Variants in RABGAP1 observed in about 807,000 individuals in gnomAD.
The protein encoded by RABGAP1 is rab GTPase-activating protein 1.
Under a neutral mutation model 137.6 loss-of-function variants are expected in RABGAP1, and 23 were observed. The ratio of observed to expected loss-of-function variants is 0.17; its 90% CI spans 0.12 to 0.24. The LOEUF (loss-of-function observed/expected upper bound fraction) is 0.24, where lower values mean the gene tolerates loss of function less well. RABGAP1 is among the 10% of genes least tolerant of loss of function. The pLI, the probability that RABGAP1 is intolerant of heterozygous loss-of-function variation, is 1.00. For missense variants in RABGAP1, 906 were observed against 1,275.8 expected (o/e 0.71, Z 4.42); for synonymous variants, 451 against 450.7 (o/e 1.00, Z -0.01).
chr9:123,020,452 T>C lies in RABGAP1; in HGVS notation c.1787T>C (p.Ile596Thr), dbSNP rs1374429132. 1 of 1,594,006 alleles carries C rather than the reference T, an allele frequency of 6.3e-7. No homozygotes were observed. The highest frequency in any genetic ancestry group is 8.6e-7 in the Non-Finnish European group (1 of 1,169,452). The change falls in exon 13 of 26, where the codon ATC becomes ACC. Residue 596 changes from isoleucine (I) to threonine (T), a missense_variant. Transcript: ENST00000373647. ...DHLVEKYRILITKESPQDSAI... is the reference protein window; with the variant it reads ...DHLVEKYRILTTKESPQDSAI... ...CTGGTAGAGAAATACCGCATTCTTA[T>C]CACAAAGGTAAGGGGGTGATAATTC...
chr9:122,982,549 T>G (rs1229534306), intron 2 of RABGAP1, among the ~76,000 whole-genome samples: 1 of 152,204 alleles, frequency 6.6e-6, no homozygotes, highest in Non-Finnish European at 1.5e-5. Flanking sequence ...GAATCTAATA[T>G]CTTCTCTCAT....
intron 13 of RABGAP1, among the ~76,000 whole-genome samples, chr9:123,020,689 T>C (rs1236359036): frequency 6.6e-6 from 1 of 152,202 alleles, no homozygotes. Flanking sequence ...GCCCATTGTA[T>C]ATCCAGATTC....
intron 14 of RABGAP1, among the ~76,000 whole-genome samples, chr9:123,068,599 G>A (rs2034257128): frequency 1.3e-5 from 2 of 152,200 alleles, no homozygotes; most frequent in East Asian, 1.9e-4. Context: ...GTGGTGCCTC[G>A]TATTATAAAC....
intron 19 of RABGAP1, among the ~76,000 whole-genome samples, chr9:123,079,971 T>C (rs1467828832): frequency 6.6e-6 from 1 of 152,152 alleles, no homozygotes; most frequent in Admixed American, 6.5e-5. Context: ...TAAATATCGA[T>C]TGAATAAGTG....
Position 122,957,070 on chromosome 9 carries a change from A to G in RABGAP1, c.11A>G (p.Lys4Arg). 6.6e-7 allele frequency: 1 copy of G among 1,517,288 alleles called. No homozygotes were observed. 94.0% of individuals were successfully genotyped at this position (1,517,288 alleles called of 1,614,324 possible). Residue 4 changes from lysine (K) to arginine (R), a missense_variant, in exon 2 of 26, where the codon AAG becomes AGG. This residue lies in a region of RABGAP1 where 331 missense variants were observed against 358.3 expected (regional missense o/e 0.92). Coordinates refer to ENST00000373647, the MANE Select transcript of RABGAP1 (RefSeq NM_012197.4). ...ACTCATTCTTGAGTTATGGATGACAAGGCTTCTGTTGGAAAAATCAGTGTC... is the reference window on the plus strand; with the variant it reads ...ACTCATTCTTGAGTTATGGATGACAGGGCTTCTGTTGGAAAAATCAGTGTC... MDDKASVGKISVSS... is the reference protein window; with the variant it reads MDDRASVGKISVSS...
Position 122,986,395 on chromosome 9 carries a change from C to G in RABGAP1, c.566C>G (p.Pro189Arg). ...QISLDVTLSV[P>R]NVSEGIVRLL... ...TCACTAGATGTTACCCTTTCAGTGC[C>G]GAATGTGTCTGAAGGAATTGTGAGG... The change falls in exon 4 of 26, where the codon CCG becomes CGG. Residue 189 changes from proline to arginine, a missense_variant. Around this residue, in one of 9 missense-constraint regions of RABGAP1, gnomAD observed 331 missense variants for 358.3 expected, o/e 0.92. Transcript: ENST00000373647. The G allele has an allele frequency of 6.2e-7, 1 of 1,613,950 alleles. No homozygotes were observed. The highest frequency in any genetic ancestry group is 8.5e-7 in the Non-Finnish European group (1 of 1,179,968).
chr9:123,098,027 C>T (rs1050653660), intron 22 of RABGAP1, among the ~76,000 whole-genome samples, 182 bp downstream of exon 22: 1 of 152,172 alleles, frequency 6.6e-6, no homozygotes, highest in African/African-American at 2.4e-5. Context: ...TAGGAGGAGA[C>T]AGTGGGTTGA....
chr9:122,998,838 G>A, intron 10 of RABGAP1, 72 bp downstream of exon 10: 13 of 1,020,514 alleles, frequency 1.3e-5, no homozygotes, highest in Non-Finnish European at 1.7e-5. Flanking sequence ...TGATTTCTAA[G>A]CCCTCAGATC....
At chr9:123,101,324 G>C (rs1265266352) in intron 24 of RABGAP1, among the ~76,000 whole-genome samples, 7 of 152,050 alleles carry the variant, frequency 4.6e-5, no homozygotes, top group Non-Finnish European at 8.8e-5. Context: ...TCATTTTTCA[G>C]CCTGGGTTCC....
intron 21 of RABGAP1, among the ~76,000 whole-genome samples, chr9:123,094,942 T>C (rs2035135782): frequency 6.6e-6 from 1 of 152,154 alleles, no homozygotes; most frequent in Non-Finnish European, 1.5e-5. Context: ...TTATAAGATA[T>C]GTAGAGATGT....
chr9:123,069,842 C>T (rs1437731013), intron 14 of RABGAP1, among the ~76,000 whole-genome samples: 3 of 152,122 alleles, frequency 2.0e-5, no homozygotes, highest in African/African-American at 7.2e-5. Flanking sequence ...CATGATTGTA[C>T]CACTGCACTC....
Position 123,073,579 on chromosome 9 carries a change from C to T in RABGAP1, c.2011C>T (p.Leu671=). The T allele has an allele frequency of 6.2e-7, 1 of 1,613,720 alleles. No homozygotes were observed. ...HMPEEQAFSV[L]VKIMFDYGLR... ...GCCTGAAGAACAGGCATTCAGTGTT[C>T]TGGTCAAGATCATGTTTGACTATGG... The change falls in exon 16 of 26, where the codon CTG becomes TTG. Residue 671 remains leucine (L), a synonymous_variant. Coordinates refer to ENST00000373647, the MANE Select transcript of RABGAP1 (RefSeq NM_012197.4).
intron 19 of RABGAP1, among the ~76,000 whole-genome samples, chr9:123,084,551 A>G (rs1014964037): frequency 2.0e-5 from 3 of 152,310 alleles, no homozygotes; most frequent in African/African-American, 7.2e-5. Context: ...TTTTAAGCCA[A>G]ACTTTGAAAG....
intron 13 of RABGAP1, among the ~76,000 whole-genome samples, chr9:123,043,296 A>T (rs1328799618): frequency 6.6e-6 from 1 of 152,212 alleles, no homozygotes; most frequent in East Asian, 1.9e-4. Flanking sequence ...GAAAGCAACT[A>T]TGCAGGAGAC....
At chr9:122,987,156 A>G (rs918079322) in intron 4 of RABGAP1, among the ~76,000 whole-genome samples, 1 of 152,204 alleles carries the variant, frequency 6.6e-6, no homozygotes, top group Non-Finnish European at 1.5e-5. Flanking sequence ...AAATGAAAAA[A>G]AAAGATGAGA....
At chr9:123,026,646 C>T (rs1011676718) in intron 13 of RABGAP1, among the ~76,000 whole-genome samples, 3 of 152,178 alleles carry the variant, frequency 2.0e-5, no homozygotes, top group Non-Finnish European at 2.9e-5. Flanking sequence ...AAGTAATCCA[C>T]AGAGACTCTC....
intron 13 of RABGAP1, among the ~76,000 whole-genome samples, chr9:123,042,043 T>C (rs2032978595): frequency 6.6e-6 from 1 of 152,186 alleles, no homozygotes; most frequent in Admixed American, 6.5e-5. Flanking sequence ...TGAACCACTC[T>C]AGATGCCAGG....
At chr9:123,074,252 A>G in intron 16 of RABGAP1, 33 bp from the exon 17 acceptor site, 1 of 1,612,190 alleles carries the variant, frequency 6.2e-7, no homozygotes, top group Non-Finnish European at 8.5e-7. Flanking sequence ...ACAGATGCAT[A>G]TGTGCCCAGA....
chr9:123,039,314 A>G (rs1191434915), intron 13 of RABGAP1, among the ~76,000 whole-genome samples: 4 of 152,134 alleles, frequency 2.6e-5, no homozygotes, highest in Non-Finnish European at 4.4e-5. Context: ...CTTGTCATCA[A>G]ACTCTCTGAA....
Sources: gnomAD v4.1 joint callset for allele counts (sites outside exome capture counted in the v4.1 genomes callset) on GRCh38, gnomAD v4.1.1 for gene constraint, gnomAD v4.1.1 regional missense constraint, MANE v1.5 for transcripts, NCBI Gene and HGNC (gene_info 2026-07-23, HGNC 2026-07-21) for gene names.